Variants in DIAPH2 observed in about 807,000 individuals in gnomAD.
The protein encoded by DIAPH2 is protein diaphanous homolog 2.
In DIAPH2, 35 loss-of-function variants were observed where a neutral mutation model predicts 92.7. The ratio of observed to expected loss-of-function variants is 0.38; its 90% CI spans 0.29 to 0.50. The LOEUF is 0.50. Ranked by LOEUF, DIAPH2 falls within the 20% of genes least tolerant of loss-of-function variation. The pLI is 0.94. For missense variants in DIAPH2, 701 were observed against 819.5 expected (o/e 0.86, Z 1.77); for synonymous variants, 301 against 280.4 (o/e 1.07, Z -0.73).
chrX:97,363,745 G>A (rs772894222), intron 24 of DIAPH2, among the ~76,000 whole-genome samples: 16 of 107,745 alleles, frequency 1.5e-4, no homozygotes, highest in African/African-American at 4.4e-4. Context: ...AAGGGAACTC[G>A]GATATCTTAT....
intron 26 of DIAPH2, among the ~76,000 whole-genome samples, chrX:97,589,639 A>G (rs1481158): frequency 0.44 from 49,028 of 110,389 alleles, 8,414 homozygotes; most frequent in Non-Finnish European, 0.55. Flanking sequence ...TGCTGCAAAG[A>G]ACATCAGTGT....
At chrX:97,546,853 A>G (rs1266063462) in intron 26 of DIAPH2, among the ~76,000 whole-genome samples, 1 of 110,358 alleles carries the variant, frequency 9.1e-6, no homozygotes, top group African/African-American at 3.3e-5. Context: ...AAAAAGTTAC[A>G]ATCATGTTCT....
chrX:97,364,575 C>T (rs186853070), intron 24 of DIAPH2, among the ~76,000 whole-genome samples: 1 of 111,764 alleles, frequency 8.9e-6, no homozygotes, highest in African/African-American at 3.2e-5. Flanking sequence ...TACTCAGCCA[C>T]GGAGACAAAA....
intron 4 of DIAPH2, 49 bp from the exon 5 acceptor site, chrX:96,881,530 A>T (rs771195008): frequency 1.8e-6 from 2 of 1,115,526 alleles, no homozygotes; most frequent in African/African-American, 3.7e-5. Context: ...ATTTTACTTA[A>T]ATTTTTTTTG....
At chrX:97,134,323 TTC>T (rs1198736565) in intron 21 of DIAPH2, among the ~76,000 whole-genome samples, 3 of 111,655 alleles carry the variant, frequency 2.7e-5, no homozygotes, top group African/African-American at 6.5e-5. Context: ...GCTAGATAAT[TTC>T]TCTCTTATTT....
At chrX:97,308,205 C>T (rs1326990657) in intron 23 of DIAPH2, among the ~76,000 whole-genome samples, 1 of 111,882 alleles carries the variant, frequency 8.9e-6, no homozygotes, top group Non-Finnish European at 1.9e-5. Context: ...TAAAAAAATA[C>T]TGTTTGCAGC....
intron 17 of DIAPH2, among the ~76,000 whole-genome samples, chrX:97,035,052 G>T (rs1569284838): frequency 8.9e-6 from 1 of 111,785 alleles, no homozygotes; most frequent in East Asian, 2.8e-4. Context: ...GTAAGATTTT[G>T]TAAGAAATAC....
At chrX:97,301,981 G>A (rs937345065) in intron 23 of DIAPH2, among the ~76,000 whole-genome samples, 23 of 110,338 alleles carry the variant, frequency 2.1e-4, no homozygotes, top group African/African-American at 7.3e-4. Context: ...TTGGGAGGCC[G>A]AGGCGGGCAG....
At chrX:97,071,375 C>T (rs2066668473) in intron 17 of DIAPH2, among the ~76,000 whole-genome samples, 1 of 111,244 alleles carries the variant, frequency 9.0e-6, no homozygotes, top group African/African-American at 3.3e-5. Flanking sequence ...AAAATATATT[C>T]TTTTAATATA....
At chrX:97,419,602 G>A (rs1272736136) in intron 25 of DIAPH2, among the ~76,000 whole-genome samples, 2 of 111,348 alleles carry the variant, frequency 1.8e-5, no homozygotes, top group African/African-American at 3.3e-5. Flanking sequence ...TCCTAAAGCT[G>A]GTTCTGTCAC....
chrX:96,699,375 A>G (rs759333409), intron 1 of DIAPH2, among the ~76,000 whole-genome samples: 28 of 111,361 alleles, frequency 2.5e-4, no homozygotes, highest in Non-Finnish European at 3.8e-5. Context: ...TGTTCTTTTT[A>G]TTTAGACCAG....
At chrX:96,743,292 C>T (rs754382154) in intron 3 of DIAPH2, among the ~76,000 whole-genome samples, 27 of 110,081 alleles carry the variant, frequency 2.5e-4, no homozygotes, top group Middle Eastern at 4.8e-3. Context: ...TTATGTGACC[C>T]ACATAATCAT....
chrX:97,539,085 A>G (rs750908108), intron 26 of DIAPH2, among the ~76,000 whole-genome samples: 12 of 112,290 alleles, frequency 1.1e-4, no homozygotes, highest in Non-Finnish European at 1.5e-4. Flanking sequence ...CTGCATTAAG[A>G]CAACTGGTTT....
chrX:97,107,598 T>A (rs1272570152), intron 20 of DIAPH2, among the ~76,000 whole-genome samples: 1 of 111,920 alleles, frequency 8.9e-6, no homozygotes, highest in African/African-American at 3.3e-5. Flanking sequence ...CTGGTCAGTA[T>A]TGACTCAATC....
intron 22 of DIAPH2, among the ~76,000 whole-genome samples, chrX:97,246,760 G>T (rs921464267): frequency 1.8e-5 from 2 of 111,903 alleles, no homozygotes; most frequent in East Asian, 2.8e-4. Flanking sequence ...GTGTTTCATG[G>T]TCCTTTAATG....
At chrX:97,145,817 C>A in intron 22 of DIAPH2, among the ~76,000 whole-genome samples, 1 of 109,874 alleles carries the variant, frequency 9.1e-6, no homozygotes, top group East Asian at 2.8e-4. Flanking sequence ...TCATTTCCTC[C>A]TAGTTCTCAT....
intron 24 of DIAPH2, among the ~76,000 whole-genome samples, chrX:97,357,426 G>A (rs752901642): frequency 3.6e-5 from 4 of 110,984 alleles, no homozygotes; most frequent in African/African-American, 3.3e-5. Context: ...CCGGAATTGT[G>A]CCCATTGAGC....
At chrX:97,218,869 T>C (rs2067904008) in intron 22 of DIAPH2, among the ~76,000 whole-genome samples, 1 of 112,362 alleles carries the variant, frequency 8.9e-6, no homozygotes, top group Non-Finnish European at 1.9e-5. Flanking sequence ...GTTATTTTTA[T>C]TGATTTTCAA....
intron 4 of DIAPH2, among the ~76,000 whole-genome samples, chrX:96,819,730 CA>C (rs2064765218): frequency 8.9e-6 from 1 of 112,309 alleles, no homozygotes; most frequent in Non-Finnish European, 1.9e-5. Context: ...CGAGACTAAG[CA>C]GCTTTGTTTC....
Sources: gnomAD v4.1 joint callset for allele counts (sites outside exome capture counted in the v4.1 genomes callset) on GRCh38, gnomAD v4.1.1 for gene constraint, MANE v1.5 for transcripts, NCBI Gene and HGNC (gene_info 2026-07-23, HGNC 2026-07-21) for gene names.